Variants in ADGRF3 observed in about 807,000 individuals in gnomAD.
ADGRF3 encodes the protein adhesion G protein-coupled receptor F3.
Under a neutral mutation model 93.2 loss-of-function variants are expected in ADGRF3, and 85 were observed. The observed-to-expected ratio is 0.91, with a 90% CI of 0.77 to 1.09. The LOEUF (loss-of-function observed/expected upper bound fraction) is 1.09, where lower values mean the gene tolerates loss of function less well. Ranked by LOEUF, ADGRF3 falls within the 50% of genes least tolerant of loss-of-function variation. The pLI, the probability that ADGRF3 is intolerant of heterozygous loss-of-function variation, is 0.00. For synonymous variants in ADGRF3, 534 were observed against 532.5 expected (o/e 1.00, Z -0.04); for missense variants, 1,125 against 1,246.2 (o/e 0.90, Z 1.46).
intron 1 of ADGRF3, among the ~76,000 whole-genome samples, chr2:26,336,337 A>T (rs11680057): frequency 4.7e-3 from 176 of 37,204 alleles, no homozygotes; most frequent in Middle Eastern, 0.024. Flanking sequence ...TGTGTGTGTG[A>T]GTGTGTGTTT....
chr2:26,344,566 G>A (rs187272947), intron 1 of ADGRF3, among the ~76,000 whole-genome samples: 147 of 152,316 alleles, frequency 9.7e-4, no homozygotes, highest in African/African-American at 2.4e-3. Flanking sequence ...CTGGGTTATG[G>A]AACATGGGGA....
intron 13 of ADGRF3, 29 bp from the exon 14 acceptor site, chr2:26,309,136 G>A (rs774623305): frequency 2.5e-6 from 4 of 1,614,024 alleles, no homozygotes; most frequent in African/African-American, 1.3e-5. Flanking sequence ...CTGGTGAGTG[G>A]ATACTGAGCC....
At position 26,318,182 on chromosome 2, in the gene ADGRF3, C is replaced by T. The variant is rs1024481614; in HGVS notation, c.115-620G>A. On this transcript the variant is annotated intron_variant, in intron 1 of 13. Transcript: ENST00000651242. ...GAGAGAGAACATGGCAGTCCTTCCT[C>T]CAGGAAATATGGAGGGGCTCACTGT... 17 of 1,121,634 alleles carry T rather than the reference C, an allele frequency of 1.5e-5. No homozygotes were observed. The Admixed American group carries it at 3.6e-4, about 24-fold the overall frequency. 69.5% of individuals were successfully genotyped at this position (1,121,634 alleles called of 1,614,324 possible). A position where few individuals can be genotyped will look rare whatever the true frequency, so the allele number is the denominator to read the frequency against.
rs1021599108 is a variant in ADGRF3, at chr2:26,309,230, ATG to A, written c.2994-125_2994-124del. ...AAGGCGTGACTCTCATGATAATTAA[ATG>A]TGTGATAATGTGAAAAGGAATTTTC... On this transcript the variant is annotated intron_variant, in intron 13 of 13. Transcript: ENST00000651242. 253 of 1,601,088 alleles carry A rather than the reference ATG, an allele frequency of 1.6e-4. 1 individual carries two copies. The highest frequency in any genetic ancestry group is 2.1e-4 in the Non-Finnish European group (247 of 1,173,106).
In ADGRF3 at chr2:26,336,722, T is replaced by TAAAAA. The variant is rs57691864; in HGVS notation, c.114+9394_114+9398dup. Among the ~76,000 whole-genome samples, 90 of 22,038 alleles carry TAAAAA rather than the reference T, an allele frequency of 4.1e-3. 15 individuals are homozygous for TAAAAA. The highest frequency in any genetic ancestry group is 6.0e-3 in the Non-Finnish European group (56 of 9,384). The allele number at this position is 22,038 out of a possible 152,430, so 14.5% of individuals were successfully genotyped here. A position where few individuals can be genotyped will look rare whatever the true frequency, so the allele number is the denominator to read the frequency against. On this transcript the variant is annotated intron_variant, in intron 1 of 13. Transcript: ENST00000651242. ...ACCTTGGTGACAGAGTGAGACTCCATAAAAAAAAAAAAAAAAAAAAAAAAA... is the reference window on the plus strand; with the variant it reads ...ACCTTGGTGACAGAGTGAGACTCCATAAAAAAAAAAAAAAAAAAAAAAAAAAAAAA...
intron 1 of ADGRF3, among the ~76,000 whole-genome samples, chr2:26,326,464 A>G (rs1178653616): frequency 2.6e-5 from 4 of 152,168 alleles, no homozygotes; most frequent in Non-Finnish European, 5.9e-5. Context: ...TGGAAATGGG[A>G]GAAGTGAGTA....
intron 12 of ADGRF3, 75 bp from the exon 13 acceptor site, chr2:26,309,656 T>C (rs1367381992): frequency 2.6e-6 from 4 of 1,555,490 alleles, no homozygotes. Context: ...AGGTTGTATC[T>C]GTTTTACTTT....
rs1175643050 is a variant in ADGRF3, at chr2:26,316,308, G to C, written c.466C>G (p.Pro156Ala). Residue 156 changes from proline to alanine, a missense_variant, in exon 4 of 14, where the codon CCC becomes GCC. Physicochemically the swap from Pro to Ala is conservative, Grantham distance 27. Coordinates refer to ENST00000651242, the MANE Select transcript of ADGRF3 (RefSeq NM_001321971.2). ...QPCGCLVFSH[P>A]EPGYCQLLPP... ...AGCAACTGGCAGTACCCGGGTTCGG[G>C]ATGGCTGAAGACAAGGCAGCCACAA... 1 of 1,551,700 alleles carries C rather than the reference G, an allele frequency of 6.4e-7. No homozygotes were observed. The highest frequency in any genetic ancestry group is 8.7e-7 in the Non-Finnish European group (1 of 1,146,982).
chr2:26,346,089 C>G (rs761884993), intron 1 of ADGRF3, 32 bp downstream of exon 1: 3 of 1,548,544 alleles, frequency 1.9e-6, no homozygotes, highest in Non-Finnish European at 2.6e-6. Context: ...GGCGGCTACG[C>G]GTGCGCGGTG....
intron 6 of ADGRF3, 25 bp downstream of exon 6, chr2:26,314,389 C>G: frequency 6.3e-7 from 1 of 1,598,324 alleles, no homozygotes; most frequent in South Asian, 1.1e-5. Context: ...CCCTCTGACC[C>G]CTGACTGCTG....
intron 1 of ADGRF3, among the ~76,000 whole-genome samples, chr2:26,341,855 C>T (rs1248879451): frequency 6.6e-6 from 1 of 151,952 alleles, no homozygotes; most frequent in Non-Finnish European, 1.5e-5. Context: ...GGGCAGATCA[C>T]GAGGTCAGGA....
chr2:26,325,424 A>G (rs1291035070), intron 1 of ADGRF3, among the ~76,000 whole-genome samples: 1 of 152,248 alleles, frequency 6.6e-6, no homozygotes, highest in East Asian at 1.9e-4. Flanking sequence ...CAGAAGGAAT[A>G]ATGACAGCCT....
intron 1 of ADGRF3, among the ~76,000 whole-genome samples, chr2:26,334,478 T>C (rs1675932445): frequency 6.6e-6 from 1 of 152,160 alleles, no homozygotes; most frequent in Non-Finnish European, 1.5e-5. Context: ...ATTCACATCC[T>C]CCTGATTACT....
chr2:26,341,537 A>T (rs191764367), intron 1 of ADGRF3, among the ~76,000 whole-genome samples: 2 of 152,280 alleles, frequency 1.3e-5, no homozygotes, highest in Admixed American at 1.3e-4. Flanking sequence ...ATGACTGATG[A>T]CCCACTCATA....
chr2:26,318,442 T>C (rs1674896264), intron 1 of ADGRF3, among the ~76,000 whole-genome samples: 1 of 151,942 alleles, frequency 6.6e-6, no homozygotes, highest in African/African-American at 2.4e-5. Flanking sequence ...AAGATATAGA[T>C]ATAGATAGAT....
Position 26,316,259 on chromosome 2 carries a change from T to A in ADGRF3, c.499+16A>T. On this transcript the variant is annotated intron_variant, in intron 4 of 13. Transcript: ENST00000651242. ...CACTTAAGGCCATTGGTTTCCAAGT[T>A]CCCAACCTTCCTCACCAGGTGGCAG... 3 of 1,549,504 alleles carry A rather than the reference T, an allele frequency of 1.9e-6. No homozygotes were observed. Among genetic ancestry groups the A allele is most frequent in the Non-Finnish European group, 1.7e-6 (2 of 1,145,926 alleles).
At chr2:26,336,764 A>T in intron 1 of ADGRF3, among the ~76,000 whole-genome samples, 1 of 138,396 alleles carries the variant, frequency 7.2e-6, no homozygotes, top group East Asian at 2.4e-4. Context: ...CAATCAAGGG[A>T]GAAGGGAGGA....
intron 1 of ADGRF3, among the ~76,000 whole-genome samples, chr2:26,325,971 TGGTAG>T (rs920020982): frequency 1.3e-5 from 2 of 152,200 alleles, no homozygotes; most frequent in Non-Finnish European, 2.9e-5. Flanking sequence ...GGCTGCAAGA[TGGTAG>T]TATTACTCCA....
rs898549365 is a variant in ADGRF3 at position 26,318,012 on chromosome 2, A to G, written c.115-450T>C. ...GGTTCCTGTACATTATTTCCTCACC[A>G]ACTCCTCCTCTGTCAGGGTGAGGGT... is the stretch of plus-strand genomic sequence containing the variant. On this transcript the variant is annotated intron_variant, in intron 1 of 13. Transcript: ENST00000651242. 5.2e-6 allele frequency: 8 copies of G among 1,546,130 alleles called. No homozygotes were observed. The East Asian group carries it at 9.8e-5, about 19-fold the overall frequency.
Sources: gnomAD v4.1 joint callset for allele counts (sites outside exome capture counted in the v4.1 genomes callset) on GRCh38, gnomAD v4.1.1 for gene constraint, MANE v1.5 for transcripts, NCBI Gene and HGNC (gene_info 2026-07-23, HGNC 2026-07-21) for gene names.